Variants in FOXN2 observed in about 807,000 individuals in gnomAD.
FOXN2 encodes forkhead box N2.
Under a neutral mutation model 41.2 loss-of-function variants are expected in FOXN2, and 19 were observed. That is an observed-to-expected ratio of 0.46 (90% CI 0.32 to 0.68). The LOEUF (loss-of-function observed/expected upper bound fraction) is 0.68. FOXN2 is among the 30% of genes least tolerant of loss of function. The pLI is 0.03. For synonymous variants in FOXN2, 195 were observed against 176.8 expected, an observed-to-expected ratio of 1.10 and a Z score of -0.82; for missense variants, 587 against 509.4, an observed-to-expected ratio of 1.15 and a Z score of -1.47.
chr2:48,345,638 A>T (rs986373112), intron 2 of FOXN2, among the ~76,000 whole-genome samples: 9 of 152,146 alleles, frequency 5.9e-5, no homozygotes, highest in Non-Finnish European at 1.3e-4. Flanking sequence ...ATTCAAAATA[A>T]ATAATGAAAT....
chr2:48,315,219 G>A (rs1386242133), intron 1 of FOXN2, among the ~76,000 whole-genome samples: 1 of 152,146 alleles, frequency 6.6e-6, no homozygotes, highest in Admixed American at 6.5e-5. Flanking sequence ...TGCTGTTAGG[G>A]AAGTACCCCA....
At position 48,356,699 on chromosome 2, in the gene FOXN2, T is replaced by G. The variant is rs919263241; in HGVS notation, c.538-2348T>G. Among the ~76,000 whole-genome samples the G allele has an allele frequency of 4.6e-5, 7 of 152,328 alleles. No individual in the cohort carries two copies. The East Asian group carries it at 1.2e-3, about 25-fold the overall frequency. ...TAGTAGACAAGGTGAGCAACTCTATTAAAATATACAGGACAAGTTCATAAA... is the reference window on the plus strand; with the variant it reads ...TAGTAGACAAGGTGAGCAACTCTATGAAAATATACAGGACAAGTTCATAAA... On this transcript the variant is annotated intron_variant, in intron 3 of 6. Transcript: ENST00000340553.
chr2:48,345,566 A>C (rs895548363), intron 2 of FOXN2, among the ~76,000 whole-genome samples: 2 of 152,212 alleles, frequency 1.3e-5, no homozygotes, highest in African/African-American at 2.4e-5. Context: ...TCATTTCACA[A>C]TATATACATG....
At chr2:48,344,715 A>G (rs1294588687) in intron 2 of FOXN2, among the ~76,000 whole-genome samples, 2 of 152,176 alleles carry the variant, frequency 1.3e-5, no homozygotes, top group African/African-American at 4.8e-5. Context: ...ACTGTTCTAC[A>G]TCTAAAATTA....
At chr2:48,334,289 G>A (rs1218549677) in intron 2 of FOXN2, among the ~76,000 whole-genome samples, 3 of 152,190 alleles carry the variant, frequency 2.0e-5, no homozygotes, top group South Asian at 2.1e-4. Flanking sequence ...TGTGTGGCCT[G>A]TAGAATGTAT....
intron 5 of FOXN2, among the ~76,000 whole-genome samples, chr2:48,368,040 C>G (rs1395199138): frequency 1.3e-5 from 2 of 152,096 alleles, no homozygotes; most frequent in African/African-American, 4.8e-5. Flanking sequence ...ACGGGTTTCA[C>G]CATATTGGCC....
At chr2:48,344,502 A>C (rs1670971062) in intron 2 of FOXN2, among the ~76,000 whole-genome samples, 1 of 152,224 alleles carries the variant, frequency 6.6e-6, no homozygotes, top group Non-Finnish European at 1.5e-5. Context: ...ACTTACGCTT[A>C]ACCTCTCTGA....
In FOXN2 at chr2:48,375,499, A is replaced by G; in HGVS notation, c.*56A>G. 6.9e-7 allele frequency: 1 copy of G among 1,454,728 alleles called. No homozygotes were observed. The highest frequency in any genetic ancestry group is 9.2e-7 in the Non-Finnish European group (1 of 1,083,426). 90.1% of individuals were successfully genotyped at this position (1,454,728 alleles called of 1,614,324 possible). A position where few individuals can be genotyped will look rare whatever the true frequency, so the allele number is the denominator to read the frequency against. ...CTTAATTCTTTACAAGGGATATCAA[A>G]GCCATAATGGACTTCATTAGTTTTA... On this transcript the variant is annotated 3_prime_UTR_variant, in exon 7 of 7. Transcript: ENST00000340553.
intron 5 of FOXN2, among the ~76,000 whole-genome samples, chr2:48,364,347 C>T (rs897775488): frequency 1.3e-5 from 2 of 152,146 alleles, no homozygotes; most frequent in African/African-American, 4.8e-5. Context: ...CCCACCTTAG[C>T]CTCCCAAGTA....
chr2:48,351,445 G>A (rs1437291591), intron 3 of FOXN2, among the ~76,000 whole-genome samples: 1 of 152,150 alleles, frequency 6.6e-6, no homozygotes, highest in African/African-American at 2.4e-5. Context: ...CATGAACAGA[G>A]TCAGAGAGAA....
intron 2 of FOXN2, among the ~76,000 whole-genome samples, chr2:48,345,004 A>T (rs920881992): frequency 3.9e-5 from 6 of 152,172 alleles, no homozygotes; most frequent in African/African-American, 1.4e-4. Flanking sequence ...TTATTGTCTC[A>T]TGATAAAGTT....
chr2:48,350,987 A>G (rs183243208), intron 3 of FOXN2, among the ~76,000 whole-genome samples: 67 of 152,050 alleles, frequency 4.4e-4, no homozygotes, highest in African/African-American at 1.6e-3. Flanking sequence ...TTATTTTGAG[A>G]TAGGGTCTCA....
intron 2 of FOXN2, among the ~76,000 whole-genome samples, chr2:48,345,365 A>C (rs1461241130): frequency 6.6e-6 from 1 of 151,792 alleles, no homozygotes; most frequent in African/African-American, 2.4e-5. Context: ...GGGAAGGGGG[A>C]GATGTTAGTC....
intron 3 of FOXN2, among the ~76,000 whole-genome samples, chr2:48,351,195 C>G (rs986297352): frequency 6.6e-6 from 1 of 152,020 alleles, no homozygotes; most frequent in East Asian, 1.9e-4. Flanking sequence ...CTCCTGGGCT[C>G]AAGCGATCCA....
rs200556840 is a variant in FOXN2 at position 48,375,241 on chromosome 2, G to A, written c.1094G>A (p.Ser365Asn). 4.0e-5 allele frequency: 64 copies of A among 1,613,974 alleles called. No individual in the cohort carries two copies. Among genetic ancestry groups the A allele is most frequent in the Non-Finnish European group, 5.0e-5 (59 of 1,179,996 alleles). ...VDYEDDPLGD[S>N]GYASQPCAKI... ...TATGAAGATGATCCTCTTGGAGACA[G>A]TGGCTATGCATCACAGCCTTGTGCA... The change falls in exon 7 of 7, where the codon AGT (serine) becomes AAT (asparagine). Residue 365 changes from serine to asparagine, a missense_variant. By Grantham distance (46) the Ser-to-Asn change is conservative. Coordinates refer to ENST00000340553, the MANE Select transcript of FOXN2 (RefSeq NM_002158.4).
At chr2:48,350,403 T>G (rs775244889) in intron 3 of FOXN2, among the ~76,000 whole-genome samples, 3 of 152,244 alleles carry the variant, frequency 2.0e-5, no homozygotes, top group South Asian at 2.1e-4. Flanking sequence ...TAGTGGCACA[T>G]GGCACATTGC....
At chr2:48,367,689 C>G (rs1224945198) in intron 5 of FOXN2, among the ~76,000 whole-genome samples, 1 of 152,144 alleles carries the variant, frequency 6.6e-6, no homozygotes, top group Non-Finnish European at 1.5e-5. Context: ...GACTGAGAGT[C>G]AAACAACAGA....
chr2:48,375,082 A>G lies in FOXN2; in HGVS notation c.935A>G (p.Gln312Arg), dbSNP rs1673152608. Reference protein sequence around the residue: ...HNYSASSMAAQRCASRSSVSS... With the variant: ...HNYSASSMAARRCASRSSVSS... ...TACAGTGCAAGTAGCATGGCAGCAC[A>G]GCGTTGTGCATCCAGGTCTAGCGTG... Residue 312 changes from glutamine to arginine, a missense_variant, in exon 7 of 7, where the codon CAG becomes CGG. Coordinates refer to ENST00000340553, the MANE Select transcript of FOXN2 (RefSeq NM_002158.4). 4 of 1,614,110 alleles carry G rather than the reference A, an allele frequency of 2.5e-6. No homozygotes were observed. The highest frequency in any genetic ancestry group is 3.4e-6 in the Non-Finnish European group (4 of 1,179,988).
chr2:48,347,202 GGTTTTGGT>G (rs1671164183), intron 3 of FOXN2, among the ~76,000 whole-genome samples: 1 of 138,458 alleles, frequency 7.2e-6, no homozygotes, highest in Non-Finnish European at 1.6e-5. Context: ...CTTCACTTTT[GGTTTTGGT>G]GTTTTGGTGC....
Sources: allele counts gnomAD v4.1 joint callset (sites outside exome capture counted in the v4.1 genomes callset), GRCh38; gene constraint gnomAD v4.1.1; transcripts MANE v1.5; gene names NCBI Gene and HGNC (gene_info 2026-07-23, HGNC 2026-07-21).